The following OIP5 variants were observed in gnomAD, a reference collection of about 807,000 sequenced individuals.
OIP5 encodes Opa interacting protein 5.
Under a neutral mutation model 20.3 loss-of-function variants are expected in OIP5, and 24 were observed. The ratio of observed to expected loss-of-function variants is 1.18; its 90% CI spans 0.86 to 1.66. The LOEUF is 1.66. OIP5 is among the 40% of genes most tolerant of loss of function. OIP5 has a pLI of 0.00. For synonymous variants in OIP5, 143 were observed against 121.3 expected (o/e 1.18, Z -1.17); for missense variants, 339 against 289.5 (o/e 1.17, Z -1.24).
chr15:41,322,050 G>C (rs2047834090), intron 2 of OIP5, among the ~76,000 whole-genome samples: 1 of 152,182 alleles, frequency 6.6e-6, no homozygotes, highest in African/African-American at 2.4e-5. Flanking sequence ...AAAGATTACT[G>C]ATGAAGAGTC....
At chr15:41,321,513 CG>C in intron 2 of OIP5, among the ~76,000 whole-genome samples, 1 of 152,182 alleles carries the variant, frequency 6.6e-6, no homozygotes, top group East Asian at 1.9e-4. Flanking sequence ...ATTGAGAAAT[CG>C]GATGGCTGCT....
chr15:41,332,541 C>A lies in OIP5; in HGVS notation c.21G>T (p.Arg7=), dbSNP rs1214579609. Residue 7 remains arginine, a synonymous_variant, in exon 1 of 5, where the codon CGG becomes CGT. Transcript: ENST00000220514. MAAQPL[R]HRSRCATPPR... is the part of the protein sequence containing the mutation. ...GCGGCGTTGCACAACGTGAGCGATGCCGCAGCGGCTGAGCCGCCATCTTCC... is the reference window on the plus strand; with the variant it reads ...GCGGCGTTGCACAACGTGAGCGATGACGCAGCGGCTGAGCCGCCATCTTCC... 17 of 1,606,198 alleles carry A rather than the reference C, an allele frequency of 1.1e-5. No individual in the cohort carries two copies. Among genetic ancestry groups the A allele is most frequent in the Non-Finnish European group, 1.4e-5 (17 of 1,176,852 alleles).
Position 41,331,985 on chromosome 15 carries a change from G to C in OIP5, c.323-4C>G. The stretch of plus-strand genomic sequence containing the variant: ...AAAACGACGTTATTTGTAACTCCTA[G>C]GAAGACAAACACGGGTCAGAACCCA... On this transcript the variant is annotated splice_polypyrimidine_tract_variant and splice_region_variant and intron_variant, in intron 1 of 4. Transcript: ENST00000220514. 6.2e-7 allele frequency: 1 copy of C among 1,613,774 alleles called. No individual in the cohort carries two copies. Among genetic ancestry groups the C allele is most frequent in the Non-Finnish European group, 8.5e-7 (1 of 1,179,840 alleles).
chr15:41,317,664 G>C (rs780728994), intron 3 of OIP5, among the ~76,000 whole-genome samples: 1 of 152,038 alleles, frequency 6.6e-6, no homozygotes, highest in African/African-American at 2.4e-5. Context: ...ACAGGCGTGA[G>C]CTACCACGCC....
At chr15:41,330,057 A>G (rs1035850641) in intron 2 of OIP5, among the ~76,000 whole-genome samples, 13 of 152,092 alleles carry the variant, frequency 8.5e-5, no homozygotes, top group African/African-American at 2.7e-4. Context: ...TATTTTATTT[A>G]ACCCAATATA....
At chr15:41,319,347 C>A (rs2140461712) in intron 3 of OIP5, among the ~76,000 whole-genome samples, 1 of 152,104 alleles carries the variant, frequency 6.6e-6, no homozygotes, top group South Asian at 2.1e-4. Flanking sequence ...CCTCTGCCTC[C>A]CAGGTTCCAA....
At chr15:41,327,652 G>A (rs1248728489) in intron 2 of OIP5, among the ~76,000 whole-genome samples, 1 of 152,032 alleles carries the variant, frequency 6.6e-6, no homozygotes, top group Non-Finnish European at 1.5e-5. Flanking sequence ...GCCAGATGTG[G>A]TGGCATGCAC....
At chr15:41,329,052 A>G (rs2047880006) in intron 2 of OIP5, among the ~76,000 whole-genome samples, 1 of 133,636 alleles carries the variant, frequency 7.5e-6, no homozygotes. Flanking sequence ...GGTCAGAGCA[A>G]GACTCCATCT....
rs2047945249 is a variant in OIP5, at chr15:41,332,490, A to G, written c.72T>C (p.Thr24=). ...AAGAAGCTTGGTCAATCGCCCTCTC[A>G]GTGCCACCACAAAAGTCCCCCCGGG... is the stretch of plus-strand genomic sequence containing the variant. ...TPPRGDFCGG[T]ERAIDQASFT... Residue 24 remains threonine (T), a synonymous_variant, in exon 1 of 5, where the codon ACT becomes ACC. Transcript: ENST00000220514. 1 of 1,613,956 alleles carries G rather than the reference A, an allele frequency of 6.2e-7. No homozygotes were observed. The highest frequency in any genetic ancestry group is 1.1e-5 in the South Asian group (1 of 91,094).
At chr15:41,313,952 CAG>C (rs1477637576) in intron 3 of OIP5, among the ~76,000 whole-genome samples, 1 of 152,072 alleles carries the variant, frequency 6.6e-6, no homozygotes, top group Non-Finnish European at 1.5e-5. Context: ...AAAATTATCT[CAG>C]GGTAAATTAA....
At chr15:41,332,219 C>A in intron 1 of OIP5, 21 bp downstream of exon 1, 1 of 1,528,538 alleles carries the variant, frequency 6.5e-7, no homozygotes, top group South Asian at 1.3e-5. Flanking sequence ...CTGCCTTTCC[C>A]GAACGCTTCA....
chr15:41,330,473 C>T (rs988673606), intron 2 of OIP5, among the ~76,000 whole-genome samples: 5 of 147,892 alleles, frequency 3.4e-5, no homozygotes, highest in African/African-American at 1.0e-4. Context: ...GGCGCAATCT[C>T]GGTCACTGCA....
chr15:41,320,534 C>A (rs927729526), intron 2 of OIP5, among the ~76,000 whole-genome samples: 25 of 152,344 alleles, frequency 1.6e-4, no homozygotes, highest in Non-Finnish European at 1.3e-4. Flanking sequence ...CCAGCCTCGG[C>A]CTCCCAGGGT....
intron 4 of OIP5, among the ~76,000 whole-genome samples, chr15:41,311,336 C>T (rs1314972917): frequency 1.3e-5 from 2 of 152,036 alleles, no homozygotes; most frequent in African/African-American, 4.8e-5. Flanking sequence ...TCGCTTGAAC[C>T]CGGGAGGAGG....
At chr15:41,309,891 T>C in intron 4 of OIP5, 42 bp from the exon 5 acceptor site, 1 of 1,379,074 alleles carries the variant, frequency 7.3e-7, no homozygotes, top group Non-Finnish European at 1.0e-6. Context: ...TCTTTTTTTA[T>C]TTTTACTTAT....
intron 4 of OIP5, among the ~76,000 whole-genome samples, chr15:41,311,470 CCA>C (rs2047754024): frequency 6.6e-6 from 1 of 152,072 alleles, no homozygotes; most frequent in Admixed American, 6.6e-5. Context: ...AAGAAAATTT[CCA>C]CAGACTTAAG....
chr15:41,332,249 C>G lies in OIP5; in HGVS notation c.313G>C (p.Val105Leu). 6.5e-7 allele frequency: 1 copy of G among 1,545,874 alleles called. No individual in the cohort carries two copies. The highest frequency in any genetic ancestry group is 1.4e-5 in the African/African-American group (1 of 73,008). Reference protein sequence around the residue: ...WDLSRSLGAVVFSRVTNNVVL... With the variant: ...WDLSRSLGAVLFSRVTNNVVL... ...GCTTCACTGCACTCACTGGAGAAGA[C>G]CACGGCCCCGAGGGACCGCGACAGG... Residue 105 changes from valine to leucine, a missense_variant, in exon 1 of 5, where the codon GTC (valine) becomes CTC (leucine). Transcript: ENST00000220514.
At chr15:41,313,176 G>C (rs1458411163) in intron 4 of OIP5, 97 bp downstream of exon 4, 2 of 752,092 alleles carry the variant, frequency 2.7e-6, no homozygotes, top group Non-Finnish European at 4.5e-6. Context: ...AAGGATTATT[G>C]AGCATCATGC....
chr15:41,322,025 T>C (rs1353991263), intron 2 of OIP5, among the ~76,000 whole-genome samples: 31 of 152,216 alleles, frequency 2.0e-4, no homozygotes, highest in Non-Finnish European at 5.9e-5. Flanking sequence ...CTATTTTGTT[T>C]TCCTTATCCT....
Sources: allele counts gnomAD v4.1 joint callset (sites outside exome capture counted in the v4.1 genomes callset), GRCh38; gene constraint gnomAD v4.1.1; transcripts MANE v1.5; gene names NCBI Gene and HGNC (gene_info 2026-07-23, HGNC 2026-07-21).